TXLNB: variants seen among roughly 807,000 people sequenced by gnomAD.
TXLNB encodes the protein taxilin beta, also known as beta-taxilin.
Under a neutral mutation model 57.4 loss-of-function variants are expected in TXLNB, and 37 were observed. The ratio of observed to expected loss-of-function variants is 0.64; its 90% CI spans 0.50 to 0.85. The LOEUF (loss-of-function observed/expected upper bound fraction) is 0.85. Among genes scored for constraint, TXLNB ranks in the 40% least tolerant of loss-of-function variants. The probability of loss-of-function intolerance (pLI) is 0.00; values close to 1 mark genes in which losing one functional copy is unlikely to be tolerated. For missense variants in TXLNB, 848 were observed against 825.6 expected (o/e 1.03, Z -0.33); for synonymous variants, 302 against 309.6 (o/e 0.98, Z 0.26).
At chr6:139,244,468 T>A (rs759220355) in intron 9 of TXLNB, 127 bp downstream of exon 9, 1 of 678,008 alleles carries the variant, frequency 1.5e-6, no homozygotes, top group Non-Finnish European at 2.6e-6. Context: ...TGTCACATCC[T>A]GCCACCCCAA....
At chr6:139,296,036 C>G (rs1019899264), upstream of TXLNB, among the ~76,000 whole-genome samples, 1 of 150,468 alleles carries the variant, frequency 6.6e-6, no homozygotes, top group Non-Finnish European at 1.5e-5. Flanking sequence ...GAACCTTGAC[C>G]CCCCCCTCCT....
chr6:139,211,838 G>A, the TXLNB span, among the ~76,000 whole-genome samples: 1 of 152,218 alleles, frequency 6.6e-6, no homozygotes, highest in East Asian at 1.9e-4. Flanking sequence ...AAATGCACAA[G>A]CCTCAGTAAC....
intron 8 of TXLNB, 119 bp downstream of exon 8, chr6:139,247,698 C>T: frequency 1.6e-6 from 1 of 642,262 alleles, no homozygotes; most frequent in Non-Finnish European, 2.7e-6. Context: ...TACCTATAAA[C>T]ATTTCATTAC....
chr6:139,166,627 T>C, the TXLNB span: 2 of 1,614,040 alleles, frequency 1.2e-6, no homozygotes, highest in African/African-American at 2.7e-5. Context: ...AGAAGAAGTC[T>C]GGCTCCGAGA....
chr6:139,200,917 T>C, the TXLNB span, among the ~76,000 whole-genome samples: 7,631 of 152,202 alleles, frequency 0.05, 210 homozygotes, highest in African/African-American at 0.063. Context: ...ACCATGCATC[T>C]GGGTCATTTT....
At chr6:139,226,938 C>A in the TXLNB span, among the ~76,000 whole-genome samples, 10 of 152,094 alleles carry the variant, frequency 6.6e-5, no homozygotes, top group East Asian at 1.5e-3. Context: ...TAGGCATGAG[C>A]ATTCCTGGAG....
At chr6:139,306,979 A>C in the TXLNB span, among the ~76,000 whole-genome samples, 1 of 152,330 alleles carries the variant, frequency 6.6e-6, no homozygotes, top group East Asian at 1.9e-4. Flanking sequence ...TTTGAACCTA[A>C]GGATTTCACT....
At chr6:139,186,532 CTA>C in the TXLNB span, among the ~76,000 whole-genome samples, 1 of 152,196 alleles carries the variant, frequency 6.6e-6, no homozygotes, top group African/African-American at 2.4e-5. Flanking sequence ...AATTGGGACT[CTA>C]TTACACTGCT....
chr6:139,193,475 G>A, the TXLNB span, among the ~76,000 whole-genome samples: 1 of 151,796 alleles, frequency 6.6e-6, no homozygotes, highest in Non-Finnish European at 1.5e-5. Flanking sequence ...GCTGTGGATT[G>A]GGTTTACATT....
In TXLNB at chr6:139,242,309, T is replaced by G. The variant is rs1403744722; in HGVS notation, c.*217A>C. 7.6e-6 allele frequency: 3 copies of G among 393,958 alleles called. No homozygotes were observed. Among genetic ancestry groups the G allele is most frequent in the Non-Finnish European group, 1.3e-5 (3 of 226,666 alleles). The allele number at this position is 393,958 out of a possible 1,614,324, so 24.4% of individuals were successfully genotyped here. Reference sequence around the variant, plus strand: ...TTGTTGCCCTTTGGGAAAATTATACTGTCAACCAGTGTTAAATAGAAAACC... The same window carrying G: ...TTGTTGCCCTTTGGGAAAATTATACGGTCAACCAGTGTTAAATAGAAAACC... On this transcript the variant is annotated 3_prime_UTR_variant, in exon 10 of 10. Coordinates refer to ENST00000358430, the MANE Select transcript of TXLNB (RefSeq NM_153235.4).
chr6:139,167,834 C>G, the TXLNB span, among the ~76,000 whole-genome samples: 1 of 152,026 alleles, frequency 6.6e-6, no homozygotes, highest in Non-Finnish European at 1.5e-5. Context: ...GACATTAGCC[C>G]GGTGGTGGTG....
At chr6:139,179,350 T>C in the TXLNB span, 1 of 152,232 alleles carries the variant, frequency 6.6e-6, no homozygotes, top group East Asian at 1.9e-4. Flanking sequence ...AAGCTTACAA[T>C]TGACCTATAC....
At chr6:139,212,308 A>G in the TXLNB span, among the ~76,000 whole-genome samples, 1 of 152,274 alleles carries the variant, frequency 6.6e-6, no homozygotes, top group African/African-American at 2.4e-5. Context: ...GCCAGAAGAG[A>G]GTGGGGGCCA....
chr6:139,281,895 C>A (rs1243167233), intron 2 of TXLNB, among the ~76,000 whole-genome samples: 1 of 141,318 alleles, frequency 7.1e-6, no homozygotes, highest in African/African-American at 2.9e-5. Context: ...ACACTATTAC[C>A]AATAACAAAA....
chr6:139,254,315 T>TTTTGTGTG (rs144265120), intron 7 of TXLNB, among the ~76,000 whole-genome samples: 2 of 150,026 alleles, frequency 1.3e-5, no homozygotes, highest in African/African-American at 4.9e-5. Context: ...TGAACACGAT[T>TTTTGTGTG]TGTGTGTGTG....
chr6:139,302,776 C>G, the TXLNB span, among the ~76,000 whole-genome samples: 1 of 151,022 alleles, frequency 6.6e-6, no homozygotes, highest in Non-Finnish European at 1.5e-5. Flanking sequence ...AAGAGTGAAA[C>G]TACGTCTTGA....
chr6:139,162,121 G>A, the TXLNB span, among the ~76,000 whole-genome samples: 1 of 152,158 alleles, frequency 6.6e-6, no homozygotes, highest in African/African-American at 2.4e-5. Flanking sequence ...ACTAAGATGA[G>A]TAAGAGGCTT....
At chr6:139,307,312 C>T in the TXLNB span, among the ~76,000 whole-genome samples, 1 of 152,170 alleles carries the variant, frequency 6.6e-6, no homozygotes, top group African/African-American at 2.4e-5. Context: ...GCCTCAGCCT[C>T]TTGAGTAGCT....
the TXLNB span, among the ~76,000 whole-genome samples, chr6:139,204,162 T>C: frequency 1.3e-5 from 2 of 152,172 alleles, no homozygotes; most frequent in African/African-American, 4.8e-5. Flanking sequence ...GCAATTCTCC[T>C]GCCTCTGCCT....
Sources: allele counts gnomAD v4.1 joint callset (sites outside exome capture counted in the v4.1 genomes callset), GRCh38; gene constraint gnomAD v4.1.1; transcripts MANE v1.5; gene names NCBI Gene and HGNC (gene_info 2026-07-23, HGNC 2026-07-21).